The following INSIG2 variants were observed in gnomAD, a reference collection of about 807,000 sequenced individuals.
The protein encoded by INSIG2 is insulin induced gene 2.
A neutral mutation model predicts 27.2 loss-of-function variants in INSIG2; 10 were observed. The ratio of observed to expected loss-of-function variants is 0.37; its 90% confidence interval spans 0.23 to 0.62. The LOEUF (loss-of-function observed/expected upper bound fraction) is 0.62, where lower values mean the gene tolerates loss of function less well. Among genes scored for constraint, INSIG2 ranks in the 20% least tolerant of loss-of-function variants. INSIG2 has a pLI of 0.65. For missense variants in INSIG2, 178 were observed against 270.2 expected, an observed-to-expected ratio of 0.66 and a Z score of 2.39; for synonymous variants, 97 against 95.8, an observed-to-expected ratio of 1.01 and a Z score of -0.07.
intron 1 of INSIG2, among the ~76,000 whole-genome samples, chr2:118,094,045 ATGAT>A (rs1166196796): frequency 1.9e-5 from 2 of 107,148 alleles, no homozygotes; most frequent in African/African-American, 3.7e-5. Flanking sequence ...GATGATGATG[ATGAT>A]GGAGAGTTCT....
chr2:118,091,146 A>G (rs1678215816), intron 1 of INSIG2, among the ~76,000 whole-genome samples: 1 of 152,222 alleles, frequency 6.6e-6, no homozygotes, highest in South Asian at 2.1e-4. Context: ...ATCAGTACAA[A>G]ATCAGAAAAA....
intron 1 of INSIG2, among the ~76,000 whole-genome samples, chr2:118,094,941 C>A (rs1467208526): frequency 6.6e-6 from 1 of 152,080 alleles, no homozygotes; most frequent in Non-Finnish European, 1.5e-5. Flanking sequence ...CCTACTTTAC[C>A]CTATATGGTT....
Position 118,094,098 on chromosome 2 carries a change from T to TGAG in INSIG2, c.-138-2319_-138-2318insGGA, listed in dbSNP as rs1476990955. 4.8e-4 allele frequency among the ~76,000 whole-genome samples: 38 copies of TGAG among 79,212 alleles called. 1 individual carries two copies. The highest frequency in any genetic ancestry group is 1.2e-3 in the Admixed American group (9 of 7,276). 52.0% of individuals were successfully genotyped at this position (79,212 alleles called of 152,430 possible). ...CTTGCTGAAAGCAACCAGATGATGA[T>TGAG]GATGATGAGGAGGAGGAGGAGGAGG... On this transcript the variant is annotated intron_variant, in intron 1 of 5. Coordinates refer to ENST00000245787, the MANE Select transcript of INSIG2 (RefSeq NM_016133.4).
At chr2:118,103,051 G>A in intron 2 of INSIG2, 146 bp from the exon 3 acceptor site, 1 of 673,376 alleles carries the variant, frequency 1.5e-6, no homozygotes. Context: ...AAAAATATCG[G>A]TGATTGATGT....
chr2:118,106,536 T>G (rs1678676226), intron 3 of INSIG2: 2 of 500,954 alleles, frequency 4.0e-6, no homozygotes, highest in Non-Finnish European at 7.0e-6. Flanking sequence ...TTGATTAATG[T>G]CTTTTGTGTA....
At chr2:118,105,618 C>T (rs1480972558) in intron 3 of INSIG2, among the ~76,000 whole-genome samples, 1 of 152,134 alleles carries the variant, frequency 6.6e-6, no homozygotes, top group Admixed American at 6.5e-5. Context: ...AAGGAAGGAC[C>T]TTGAGGGAGT....
At chr2:118,106,338 T>G (rs1678672155) in intron 3 of INSIG2, among the ~76,000 whole-genome samples, 1 of 152,250 alleles carries the variant, frequency 6.6e-6, no homozygotes, top group Non-Finnish European at 1.5e-5. Flanking sequence ...GAAGTAATAT[T>G]GGTTTCCTTT....
At chr2:118,092,784 G>T (rs1176268892) in intron 1 of INSIG2, among the ~76,000 whole-genome samples, 1 of 151,780 alleles carries the variant, frequency 6.6e-6, no homozygotes, top group East Asian at 1.9e-4. Flanking sequence ...CCATAAATGG[G>T]TGCCCTATAA....
chr2:118,103,108 T>C, intron 2 of INSIG2, 89 bp from the exon 3 acceptor site: 1 of 1,012,912 alleles, frequency 9.9e-7, no homozygotes, highest in East Asian at 2.7e-5. Context: ...ATCTTTAAAA[T>C]GCTTGTGGTG....
At chr2:118,101,618 C>T (rs1271095536) in intron 2 of INSIG2, among the ~76,000 whole-genome samples, 1 of 151,842 alleles carries the variant, frequency 6.6e-6, no homozygotes, top group Admixed American at 6.5e-5. Context: ...TTTATGACCC[C>T]TTGAGAAAAA....
At chr2:118,092,952 G>T (rs1408822914) in intron 1 of INSIG2, among the ~76,000 whole-genome samples, 2 of 134,526 alleles carry the variant, frequency 1.5e-5, no homozygotes, top group African/African-American at 2.9e-5. Flanking sequence ...ATGATGAGGA[G>T]GAGGAGGAGG....
rs747054304 is a variant in INSIG2 at position 118,108,340 on chromosome 2, T to C, written c.*18T>C. 1.3e-6 allele frequency: 2 copies of C among 1,583,010 alleles called. No individual in the cohort carries two copies. The highest frequency in any genetic ancestry group is 1.1e-5 in the South Asian group (1 of 88,454). ...AGGAATGAAGAAGGCAAAAAATATC[T>C]TTTGTACAGAAAAGCAAGATGAAAA... On this transcript the variant is annotated 3_prime_UTR_variant, in exon 6 of 6. Coordinates refer to ENST00000245787, the MANE Select transcript of INSIG2 (RefSeq NM_016133.4).
At chr2:118,108,097 A>T (rs1344235773) in intron 5 of INSIG2, among the ~76,000 whole-genome samples, 184 bp from the exon 6 acceptor site, 1 of 152,138 alleles carries the variant, frequency 6.6e-6, no homozygotes. Context: ...CAGAATGTGA[A>T]TTATTTTTTT....
intron 3 of INSIG2, among the ~76,000 whole-genome samples, chr2:118,104,077 G>A (rs184915050): frequency 6.6e-6 from 1 of 152,192 alleles, no homozygotes; most frequent in Non-Finnish European, 1.5e-5. Context: ...GGTAGAAGAG[G>A]AACTAGGAAA....
chr2:118,105,534 C>T (rs1308341233), intron 3 of INSIG2, among the ~76,000 whole-genome samples: 1 of 152,098 alleles, frequency 6.6e-6, no homozygotes, highest in Admixed American at 6.5e-5. Context: ...ATAATGACAG[C>T]ATAACAATAA....
intron 2 of INSIG2, among the ~76,000 whole-genome samples, chr2:118,101,631 G>C (rs924384860): frequency 6.6e-6 from 1 of 152,170 alleles, no homozygotes; most frequent in Non-Finnish European, 1.5e-5. Flanking sequence ...GAGAAAAAAA[G>C]AGGTGATATT....
intron 2 of INSIG2, among the ~76,000 whole-genome samples, chr2:118,101,073 T>G (rs1017632913): frequency 6.6e-6 from 1 of 152,170 alleles, no homozygotes; most frequent in Non-Finnish European, 1.5e-5. Flanking sequence ...ATTTTAACAG[T>G]CTTTCTTGTT....
intron 1 of INSIG2, among the ~76,000 whole-genome samples, chr2:118,095,257 A>G (rs1678379328): frequency 1.3e-5 from 2 of 152,244 alleles, no homozygotes; most frequent in Non-Finnish European, 1.5e-5. Flanking sequence ...TTACCTGTGT[A>G]GTATTTTTCC....
At position 118,100,615 on chromosome 2, in the gene INSIG2, C is replaced by T. The variant is rs181670651; in HGVS notation, c.245-2582C>T. Among the ~76,000 whole-genome samples, 423 of 152,006 alleles carry T rather than the reference C, an allele frequency of 2.8e-3. 1 individual carries two copies. The highest frequency in any genetic ancestry group is 4.8e-3 in the Non-Finnish European group (329 of 67,942). On this transcript the variant is annotated intron_variant, in intron 2 of 5. Coordinates refer to ENST00000245787, the MANE Select transcript of INSIG2 (RefSeq NM_016133.4). ...GGCTGGTCTCAAACTCCTGACCTCG[C>T]GATTCGCCTGCCTCGGCCTCTCAAA... is the stretch of plus-strand genomic sequence containing the variant.
Sources: allele counts gnomAD v4.1 joint callset (sites outside exome capture counted in the v4.1 genomes callset), GRCh38; gene constraint gnomAD v4.1.1; transcripts MANE v1.5; gene names NCBI Gene and HGNC (gene_info 2026-07-23, HGNC 2026-07-21).